The following COG5 variants were observed in gnomAD, a reference collection of about 807,000 sequenced individuals.
COG5 encodes the protein component of oligomeric golgi complex 5.
A neutral mutation model predicts 110.4 loss-of-function variants in COG5; 86 were observed. The observed-to-expected ratio is 0.78, with a 90% CI of 0.65 to 0.93. The LOEUF is 0.93. COG5 is among the 40% of genes least tolerant of loss of function. COG5 has a pLI of 0.00. For synonymous variants in COG5, 360 were observed against 334.6 expected, an observed-to-expected ratio of 1.08 and a Z score of -0.83; for missense variants, 1,077 against 987.0, an observed-to-expected ratio of 1.09 and a Z score of -1.22.
chr7:107,329,006 C>T (rs1810014761), intron 10 of COG5, among the ~76,000 whole-genome samples: 1 of 152,068 alleles, frequency 6.6e-6, no homozygotes, highest in South Asian at 2.1e-4. Flanking sequence ...TAGGTCTGAG[C>T]CTGCAGGCCT....
chr7:107,260,950 TTTG>T (rs1562938590), intron 14 of COG5, among the ~76,000 whole-genome samples: 22 of 150,252 alleles, frequency 1.5e-4, no homozygotes, highest in African/African-American at 5.0e-4. Flanking sequence ...AGTTTTTTTG[TTTG>T]TTTGTTTTTG....
chr7:107,353,769 C>T (rs1334701900), intron 10 of COG5, among the ~76,000 whole-genome samples: 3 of 151,964 alleles, frequency 2.0e-5, no homozygotes, highest in Non-Finnish European at 4.4e-5. Context: ...ACCATTTATG[C>T]CCTCTTTATA....
intron 19 of COG5, among the ~76,000 whole-genome samples, chr7:107,225,958 G>A (rs1045131305): frequency 6.6e-6 from 1 of 152,078 alleles, no homozygotes; most frequent in African/African-American, 2.4e-5. Flanking sequence ...CAGGAGAATC[G>A]CTTGAATCTG....
intron 19 of COG5, among the ~76,000 whole-genome samples, chr7:107,217,141 A>G (rs1033178048): frequency 6.6e-6 from 1 of 152,120 alleles, no homozygotes; most frequent in Non-Finnish European, 1.5e-5. Context: ...TAAAATTCCT[A>G]GACACATATA....
At chr7:107,262,039 C>T (rs551898876) in intron 14 of COG5, among the ~76,000 whole-genome samples, 14 of 151,874 alleles carry the variant, frequency 9.2e-5, no homozygotes, top group African/African-American at 2.4e-4. Flanking sequence ...TACAGTCATG[C>T]GTCACCATGC....
At chr7:107,342,858 C>T (rs1811286069) in intron 10 of COG5, among the ~76,000 whole-genome samples, 2 of 152,102 alleles carry the variant, frequency 1.3e-5, no homozygotes, top group Admixed American at 1.3e-4. Context: ...CCAGCAATCC[C>T]ATTATTAGGT....
chr7:107,201,530 G>A lies in COG5; in HGVS notation c.*1986C>T, dbSNP rs1351490604. ...AGGTCTCACCATTTGTCCTCAATTC[G>A]TGTGACCATAAGATACTGATAGCAT... On this transcript the variant is annotated 3_prime_UTR_variant, in exon 22 of 22. Transcript: ENST00000297135. 5 of 685,052 alleles carry A rather than the reference G, an allele frequency of 7.3e-6. No homozygotes were observed. Among genetic ancestry groups the A allele is most frequent in the Admixed American group, 2.3e-5 (1 of 43,482 alleles). 42.4% of individuals were successfully genotyped at this position (685,052 alleles called of 1,614,324 possible). A position where few individuals can be genotyped will look rare whatever the true frequency, so the allele number is the denominator to read the frequency against.
chr7:107,332,176 T>TA (rs11448074), intron 10 of COG5, among the ~76,000 whole-genome samples: 26,689 of 152,004 alleles, frequency 0.18, 2,609 homozygotes, highest in Non-Finnish European at 0.22. Flanking sequence ...AGATCTATGC[T>TA]AAAAAAATAG....
At chr7:107,401,819 G>T (rs1318586291) in intron 7 of COG5, among the ~76,000 whole-genome samples, 1 of 152,148 alleles carries the variant, frequency 6.6e-6, no homozygotes, top group Non-Finnish European at 1.5e-5. Flanking sequence ...TGTTTGTTGG[G>T]TCATAAGGGA....
rs1160538439 is a variant in COG5 at position 107,202,763 on chromosome 7, A to G, written c.*753T>C. 1 of 152,228 alleles carries G rather than the reference A, an allele frequency of 6.6e-6. No homozygotes were observed. Among genetic ancestry groups the G allele is most frequent in the Non-Finnish European group, 1.5e-5 (1 of 68,058 alleles). The allele number at this position is 152,228 out of a possible 1,614,324, so 9.4% of individuals were successfully genotyped here. Reference sequence around the variant, plus strand: ...TATTTATAGAGAATTGCTATACAATAAAAATTTTTATTTTTCACGTGGCAT... The same window carrying G: ...TATTTATAGAGAATTGCTATACAATGAAAATTTTTATTTTTCACGTGGCAT... On this transcript the variant is annotated 3_prime_UTR_variant, in exon 22 of 22. Coordinates refer to ENST00000297135, the MANE Select transcript of COG5 (RefSeq NM_006348.5).
chr7:107,287,255 T>C (rs1219674190), intron 12 of COG5, among the ~76,000 whole-genome samples: 1 of 152,204 alleles, frequency 6.6e-6, no homozygotes, highest in Non-Finnish European at 1.5e-5. Context: ...CAGTTTGGAT[T>C]GGGCTTGTGA....
intron 6 of COG5, among the ~76,000 whole-genome samples, chr7:107,428,994 C>T (rs1289390120): frequency 6.6e-6 from 1 of 152,116 alleles, no homozygotes; most frequent in Non-Finnish European, 1.5e-5. Context: ...AGATATTTTG[C>T]TAAATAAAAT....
chr7:107,551,044 TTTTG>T (rs1161498276), intron 3 of COG5, among the ~76,000 whole-genome samples: 2 of 152,024 alleles, frequency 1.3e-5, no homozygotes, highest in Non-Finnish European at 2.9e-5. Flanking sequence ...TACCTTTGTT[TTTTG>T]TTTGTTTGTT....
chr7:107,407,060 T>C (rs922751983), intron 7 of COG5, among the ~76,000 whole-genome samples: 1 of 152,204 alleles, frequency 6.6e-6, no homozygotes, highest in African/African-American at 2.4e-5. Context: ...TATCAAAGAA[T>C]TTGATAATTT....
intron 6 of COG5, among the ~76,000 whole-genome samples, chr7:107,501,624 C>T (rs1211176820): frequency 2.6e-5 from 4 of 152,012 alleles, no homozygotes; most frequent in African/African-American, 7.2e-5. Flanking sequence ...TGAGTATTAC[C>T]TGTTAAATAT....
chr7:107,279,118 G>A (rs866510044), intron 14 of COG5, among the ~76,000 whole-genome samples: 1 of 152,092 alleles, frequency 6.6e-6, no homozygotes, highest in Non-Finnish European at 1.5e-5. Context: ...CCATCAAAAA[G>A]TGGGCAAAGG....
At chr7:107,456,147 T>C (rs997030354) in intron 6 of COG5, among the ~76,000 whole-genome samples, 2 of 152,166 alleles carry the variant, frequency 1.3e-5, no homozygotes, top group African/African-American at 4.8e-5. Flanking sequence ...TGATTCAGAA[T>C]ATTGCTAACC....
intron 6 of COG5, among the ~76,000 whole-genome samples, chr7:107,429,561 G>A (rs1301848522): frequency 6.6e-6 from 1 of 151,952 alleles, no homozygotes; most frequent in Non-Finnish European, 1.5e-5. Context: ...CAGAGTAGCA[G>A]GGACTACAGG....
chr7:107,280,686 T>C (rs970979884), intron 14 of COG5, among the ~76,000 whole-genome samples: 13 of 152,066 alleles, frequency 8.5e-5, no homozygotes, highest in Non-Finnish European at 1.8e-4. Context: ...TATGTGTGCT[T>C]AACTTTCAAA....
Sources: gnomAD v4.1 joint callset for allele counts (sites outside exome capture counted in the v4.1 genomes callset) on GRCh38, gnomAD v4.1.1 for gene constraint, MANE v1.5 for transcripts, NCBI Gene and HGNC (gene_info 2026-07-23, HGNC 2026-07-21) for gene names.